MCPH1: variants seen among roughly 807,000 people sequenced by gnomAD.
MCPH1 encodes microcephalin 1, also known as microcephalin.
A neutral mutation model predicts 84.5 loss-of-function variants in MCPH1; 104 were observed. The observed-to-expected ratio is 1.23, with a 90% CI of 1.05 to 1.45. MCPH1 has a LOEUF of 1.45. Ranked by LOEUF, MCPH1 falls within the 40% of genes most tolerant of loss-of-function variation. The pLI is 0.00. For missense variants in MCPH1, 1,498 were observed against 1,005.7 expected, an observed-to-expected ratio of 1.49 and a Z score of -6.62; for synonymous variants, 514 against 366.8, an observed-to-expected ratio of 1.40 and a Z score of -4.58.
At chr8:6,624,535 G>C (rs986415778) in intron 13 of MCPH1, among the ~76,000 whole-genome samples, 2 of 152,172 alleles carry the variant, frequency 1.3e-5, no homozygotes, top group African/African-American at 4.8e-5. Context: ...GTATTTATTG[G>C]CTTGTATTTT....
chr8:6,527,691 A>G (rs776758364), intron 12 of MCPH1: 1 of 1,590,476 alleles, frequency 6.3e-7, no homozygotes, highest in African/African-American at 1.4e-5. Flanking sequence ...ATGTAACAAA[A>G]TGAAGTTCCT....
intron 12 of MCPH1, among the ~76,000 whole-genome samples, chr8:6,512,614 A>G (rs1815384732): frequency 6.6e-6 from 1 of 152,158 alleles, no homozygotes. Flanking sequence ...TTGCACACAC[A>G]TTTCGGAGTG....
chr8:6,435,030 G>A (rs993648446), intron 4 of MCPH1, among the ~76,000 whole-genome samples: 5 of 152,158 alleles, frequency 3.3e-5, no homozygotes, highest in Admixed American at 2.6e-4. Flanking sequence ...CATTTCCCCT[G>A]TCTGAGGATG....
chr8:6,466,564 C>G (rs1232244905), intron 9 of MCPH1, among the ~76,000 whole-genome samples: 4 of 151,952 alleles, frequency 2.6e-5, no homozygotes, highest in African/African-American at 9.7e-5. Flanking sequence ...GCCTTGGTCT[C>G]CCAAAGTGCT....
At chr8:6,492,431 C>G (rs945975631) in intron 11 of MCPH1, among the ~76,000 whole-genome samples, 1 of 151,534 alleles carries the variant, frequency 6.6e-6, no homozygotes, top group Non-Finnish European at 1.5e-5. Context: ...GTTGCCTGTT[C>G]ACTCTGATGG....
intron 13 of MCPH1, among the ~76,000 whole-genome samples, chr8:6,641,996 G>A (rs1797967702): frequency 1.3e-5 from 2 of 152,024 alleles, no homozygotes; most frequent in African/African-American, 2.4e-5. Context: ...TAAATTCTGG[G>A]ACACTATCTT....
At chr8:6,562,245 G>T (rs1243328582) in intron 12 of MCPH1, among the ~76,000 whole-genome samples, 1 of 152,070 alleles carries the variant, frequency 6.6e-6, no homozygotes, top group East Asian at 1.9e-4. Flanking sequence ...GGGCTGCTGC[G>T]GCTCACAGCC....
chr8:6,549,157 T>C (rs1217642177), intron 12 of MCPH1, among the ~76,000 whole-genome samples: 1 of 152,222 alleles, frequency 6.6e-6, no homozygotes, highest in African/African-American at 2.4e-5. Flanking sequence ...AGAAAAATGA[T>C]ACATGGGTTT....
intron 12 of MCPH1, chr8:6,562,827 G>C: frequency 1.2e-6 from 2 of 1,613,544 alleles, no homozygotes; most frequent in Middle Eastern, 1.6e-4. Flanking sequence ...ACCCATGCTG[G>C]ACCTGATATT....
At chr8:6,616,273 G>A (rs1171766147) in intron 12 of MCPH1, 1 of 152,150 alleles carries the variant, frequency 6.6e-6, no homozygotes, top group East Asian at 1.9e-4. Flanking sequence ...TGCCTAGAGG[G>A]AAAAGCGAAT....
chr8:6,570,918 ACTG>A (rs922315753), intron 12 of MCPH1, among the ~76,000 whole-genome samples: 4 of 150,972 alleles, frequency 2.6e-5, no homozygotes, highest in African/African-American at 9.7e-5. Context: ...TTAAAGCTGC[ACTG>A]TACATCATAT....
chr8:6,628,469 C>CA (rs34188003), intron 13 of MCPH1, among the ~76,000 whole-genome samples: 2,740 of 41,098 alleles, frequency 0.067, 146 homozygotes, highest in Non-Finnish European at 0.092. Context: ...GACTCTGTCT[C>CA]AAAAAAAAAA....
chr8:6,526,583 A>C (rs1255573251), intron 12 of MCPH1, among the ~76,000 whole-genome samples: 1 of 152,268 alleles, frequency 6.6e-6, no homozygotes, highest in Non-Finnish European at 1.5e-5. Context: ...GCTTTTCAAA[A>C]CCCTAAATCA....
At position 6,643,062 on chromosome 8, in the gene MCPH1, T is replaced by A; in HGVS notation, c.*13T>A. On this transcript the variant is annotated 3_prime_UTR_variant, in exon 14 of 14. Coordinates refer to ENST00000344683, the MANE Select transcript of MCPH1 (RefSeq NM_024596.5). The stretch of plus-strand genomic sequence containing the variant: ...ATTGTCACAATGACAGTGACCTCAC[T>A]GGCCTGTGGTGACTGCACACAGCTC... 6.2e-7 allele frequency: 1 copy of A among 1,611,448 alleles called. No homozygotes were observed. The highest frequency in any genetic ancestry group is 2.2e-5 in the East Asian group (1 of 44,866).
chr8:6,550,205 C>T (rs957450884), intron 12 of MCPH1, among the ~76,000 whole-genome samples: 5 of 152,386 alleles, frequency 3.3e-5, no homozygotes, highest in Non-Finnish European at 5.9e-5. Flanking sequence ...CCAGATGTTA[C>T]TCACTGGCTA....
chr8:6,584,662 T>G (rs915512584), intron 12 of MCPH1, among the ~76,000 whole-genome samples: 16 of 152,240 alleles, frequency 1.1e-4, no homozygotes, highest in Non-Finnish European at 2.4e-4. Flanking sequence ...CACTTAATCT[T>G]TTCCAAAATT....
chr8:6,635,938 C>G (rs1253713382), intron 13 of MCPH1, among the ~76,000 whole-genome samples: 3 of 152,216 alleles, frequency 2.0e-5, no homozygotes, highest in African/African-American at 7.2e-5. Flanking sequence ...CTTAGCTCCC[C>G]TGAGCACGTA....
intron 12 of MCPH1, among the ~76,000 whole-genome samples, chr8:6,566,907 C>G (rs933251057): frequency 6.9e-6 from 1 of 145,750 alleles, no homozygotes; most frequent in Non-Finnish European, 1.5e-5. Flanking sequence ...CATGTGTGAT[C>G]GGCAAGGCCA....
At chr8:6,549,567 A>C (rs1457365634) in intron 12 of MCPH1, among the ~76,000 whole-genome samples, 1 of 151,620 alleles carries the variant, frequency 6.6e-6, no homozygotes, top group Non-Finnish European at 1.5e-5. Flanking sequence ...GGCGTGAGGG[A>C]GCCGCGTGCA....
Sources: allele counts gnomAD v4.1 joint callset (sites outside exome capture counted in the v4.1 genomes callset), GRCh38; gene constraint gnomAD v4.1.1; transcripts MANE v1.5; gene names NCBI Gene and HGNC (gene_info 2026-07-23, HGNC 2026-07-21).